Variants in KCTD1 observed in about 807,000 individuals in gnomAD.
The protein encoded by KCTD1 is potassium channel tetramerization domain containing 1, also known as BTB/POZ domain-containing protein KCTD1.
In KCTD1, 24 loss-of-function variants were observed where a neutral mutation model predicts 66.0. The observed-to-expected ratio is 0.36, with a 90% CI of 0.26 to 0.51. The LOEUF (loss-of-function observed/expected upper bound fraction) is 0.51, where lower values mean the gene tolerates loss of function less well. Ranked by LOEUF, KCTD1 falls within the 20% of genes least tolerant of loss-of-function variation. KCTD1 has a pLI of 0.95. For synonymous variants in KCTD1, 511 were observed against 517.2 expected (o/e 0.99, Z 0.16); for missense variants, 943 against 1,205.2 (o/e 0.78, Z 3.22).
intron 3 of KCTD1, among the ~76,000 whole-genome samples, chr18:26,475,280 C>T (rs2144598074): frequency 6.6e-6 from 1 of 152,220 alleles, no homozygotes; most frequent in South Asian, 2.1e-4. Flanking sequence ...ATAAATGGTT[C>T]AAATTTCATT....
chr18:26,515,571 G>T (rs1036484552), intron 1 of KCTD1, among the ~76,000 whole-genome samples: 4 of 138,802 alleles, frequency 2.9e-5, no homozygotes, highest in African/African-American at 8.1e-5. Flanking sequence ...GCAATGGCTT[G>T]CTCGGCTCAC....
At chr18:26,511,210 A>C (rs1188739567) in intron 1 of KCTD1, among the ~76,000 whole-genome samples, 1 of 152,244 alleles carries the variant, frequency 6.6e-6, no homozygotes, top group Non-Finnish European at 1.5e-5. Flanking sequence ...CTTAGGGATA[A>C]TACTTCCCTT....
chr18:26,579,851 G>T (rs1049823488), intron 1 of KCTD1, among the ~76,000 whole-genome samples: 2 of 152,088 alleles, frequency 1.3e-5, no homozygotes, highest in Admixed American at 6.6e-5. Flanking sequence ...TGGTGCTTAG[G>T]TCTCCCACAC....
chr18:26,576,359 G>A (rs1432813307), intron 1 of KCTD1, among the ~76,000 whole-genome samples: 3 of 152,114 alleles, frequency 2.0e-5, no homozygotes, highest in African/African-American at 7.2e-5. Flanking sequence ...CTACTCCCTT[G>A]CTGAGATTTG....
At position 26,514,549 on chromosome 18, in the gene KCTD1, CAAA is replaced by C. The variant is rs200444964; in HGVS notation, c.1810-13302_1810-13300del. On this transcript the variant is annotated intron_variant, in intron 1 of 4. Transcript: ENST00000580059. ...CAGGCAACAGAGTGAGACCTTGTCT[CAAA>C]AAAAAAAAAAAAAAAAAAAGAAATG... 7.5e-4 allele frequency among the ~76,000 whole-genome samples: 91 copies of C among 121,822 alleles called. 1 individual carries two copies. Among genetic ancestry groups the C allele is most frequent in the Admixed American group, 1.4e-3 (16 of 11,266 alleles). 79.9% of individuals were successfully genotyped at this position (121,822 alleles called of 152,430 possible).
rs181620021 is a variant in KCTD1 at position 26,476,025 on chromosome 18, A to G, written c.2133+490T>C. 1.3e-5 allele frequency among the ~76,000 whole-genome samples: 2 copies of G among 152,308 alleles called. No individual in the cohort carries two copies. The highest frequency in any genetic ancestry group is 3.9e-4 in the East Asian group (2 of 5,182). ...TCGTGAATTCCCTTCTAATATTAAC[A>G]CTTTCTATTTGTTCTCCTTGTCTGA... On this transcript the variant is annotated intron_variant, in intron 3 of 4. Coordinates refer to ENST00000580059, the MANE Select transcript of KCTD1 (RefSeq NM_001142730.3). This position sits in a 1 kb window ranked among gnomAD's most constrained non-coding sequence, Gnocchi z 4.9.
intron 1 of KCTD1, among the ~76,000 whole-genome samples, chr18:26,554,118 AAG>A (rs1985646093): frequency 7.3e-6 from 1 of 137,558 alleles, no homozygotes; most frequent in Non-Finnish European, 1.6e-5. Context: ...GAGGGAAAGA[AAG>A]AAAAGAGAAA....
intron 3 of KCTD1, among the ~76,000 whole-genome samples, chr18:26,467,554 G>A (rs1490577658): frequency 6.6e-6 from 1 of 151,084 alleles, no homozygotes; most frequent in Admixed American, 6.6e-5. Context: ...AATGGCTCAT[G>A]CCTGTTATCC....
intron 1 of KCTD1, among the ~76,000 whole-genome samples, chr18:26,557,822 T>G (rs1227056000): frequency 1.3e-5 from 2 of 152,280 alleles, no homozygotes; most frequent in Non-Finnish European, 2.9e-5. Context: ...CAGCAGAGAT[T>G]GGAGTGAAGC....
At chr18:26,599,448 G>C in intron 1 of KCTD1, 1 of 1,611,942 alleles carries the variant, frequency 6.2e-7, no homozygotes. Context: ...TGTGGCAGTG[G>C]TCTGGGATAA....
chr18:26,571,146 T>C (rs1986096790), intron 1 of KCTD1, among the ~76,000 whole-genome samples: 1 of 71,118 alleles, frequency 1.4e-5, no homozygotes, highest in Non-Finnish European at 4.0e-5. Flanking sequence ...AAAAAGTCTT[T>C]CTCTCACTAA....
chr18:26,545,290 G>A (rs1182954239), intron 1 of KCTD1: 2 of 152,068 alleles, frequency 1.3e-5, no homozygotes, highest in Non-Finnish European at 2.9e-5. Context: ...ATTTATTTTT[G>A]CTTTCAAAGA....
chr18:26,480,792 G>C (rs1194983078), intron 2 of KCTD1, among the ~76,000 whole-genome samples: 1 of 152,026 alleles, frequency 6.6e-6, no homozygotes. Flanking sequence ...GCACTCTGTT[G>C]ATTACTCTTG....
At chr18:26,542,441 C>T (rs542788899) in intron 1 of KCTD1, among the ~76,000 whole-genome samples, 6 of 152,294 alleles carry the variant, frequency 3.9e-5, no homozygotes, top group South Asian at 2.1e-4. Context: ...TTTACATGTA[C>T]GTTCCTAAGA....
intron 2 of KCTD1, among the ~76,000 whole-genome samples, chr18:26,494,807 T>G (rs905068902): frequency 2.6e-5 from 4 of 151,726 alleles, no homozygotes; most frequent in Admixed American, 6.6e-5. Flanking sequence ...TAAACTAACT[T>G]TTTTTTTTCA....
chr18:26,513,195 C>T (rs1474612998), intron 1 of KCTD1, among the ~76,000 whole-genome samples: 1 of 150,950 alleles, frequency 6.6e-6, no homozygotes, highest in African/African-American at 2.4e-5. Context: ...TCACGCCATT[C>T]TCCTGCCTCA....
chr18:26,642,103 C>A (rs919129797), upstream of KCTD1, among the ~76,000 whole-genome samples: 5 of 152,164 alleles, frequency 3.3e-5, no homozygotes, highest in African/African-American at 1.2e-4. Context: ...TGGGCTTGAT[C>A]TTAAATCACT....
chr18:26,460,056 TACG>T (rs1370494985), intron 3 of KCTD1, 131 bp from the exon 4 acceptor site: 1 of 679,504 alleles, frequency 1.5e-6, no homozygotes, highest in South Asian at 1.9e-5. Flanking sequence ...GTTTTTCACT[TACG>T]ACATGTTTGT....
At chr18:26,557,740 TG>T (rs144334236) in intron 1 of KCTD1, among the ~76,000 whole-genome samples, 13,889 of 152,202 alleles carry the variant, frequency 0.091, 998 homozygotes, top group African/African-American at 0.2. Context: ...ACTTGAAAAT[TG>T]AATGCAAGTT....
Sources: gnomAD v4.1 joint callset for allele counts (sites outside exome capture counted in the v4.1 genomes callset) on GRCh38, gnomAD v4.1.1 for gene constraint, Gnocchi (gnomAD v3.1) non-coding constraint, MANE v1.5 for transcripts, NCBI Gene and HGNC (gene_info 2026-07-23, HGNC 2026-07-21) for gene names.